Variants in LARP4B observed in about 807,000 individuals in gnomAD.
The protein encoded by LARP4B is La ribonucleoprotein 4B.
Under a neutral mutation model 89.8 loss-of-function variants are expected in LARP4B, and 12 were observed. That is an observed-to-expected ratio of 0.13 (90% CI 0.09 to 0.22). The LOEUF (loss-of-function observed/expected upper bound fraction) is 0.22, where lower values mean the gene tolerates loss of function less well. LARP4B is among the 10% of genes least tolerant of loss of function. The pLI is 1.00. For synonymous variants in LARP4B, 367 were observed against 363.3 expected (o/e 1.01, Z -0.12); for missense variants, 757 against 947.7 (o/e 0.80, Z 2.64).
chr10:898,581 G>A (rs945901258), intron 1 of LARP4B, among the ~76,000 whole-genome samples: 1 of 152,182 alleles, frequency 6.6e-6, no homozygotes, highest in African/African-American at 2.4e-5. Context: ...CATAATTTCA[G>A]AACTTGATAA....
intron 1 of LARP4B, among the ~76,000 whole-genome samples, chr10:892,761 G>T (rs760746083): frequency 6.6e-6 from 1 of 151,966 alleles, no homozygotes. Flanking sequence ...GGATGGTCTC[G>T]ATCTCCTGAC....
At chr10:834,268 C>G (rs1339883592) in intron 8 of LARP4B, among the ~76,000 whole-genome samples, 7 of 152,208 alleles carry the variant, frequency 4.6e-5, no homozygotes, top group Admixed American at 2.6e-4. Context: ...AACACATCAA[C>G]GCAAAGTCAT....
the LARP4B span, among the ~76,000 whole-genome samples, chr10:980,214 G>GC: frequency 6.6e-6 from 1 of 152,206 alleles, no homozygotes; most frequent in South Asian, 2.1e-4. Flanking sequence ...GCAGGGTTCA[G>GC]CCCCCTGGGC....
intron 1 of LARP4B, among the ~76,000 whole-genome samples, chr10:915,218 G>A (rs1588987117): frequency 1.3e-5 from 2 of 152,104 alleles, no homozygotes; most frequent in African/African-American, 4.8e-5. Context: ...CCAGGAGTTT[G>A]AGGCTGCAGC....
chr10:836,373 C>A, intron 8 of LARP4B, 30 bp downstream of exon 8: 1 of 1,427,308 alleles, frequency 7.0e-7, no homozygotes, highest in Non-Finnish European at 9.8e-7. Context: ...GGAAAATGTC[C>A]AAGTAACCTT....
rs1024950538 is a variant in LARP4B, at chr10:845,162, C to T, written c.431-107G>A. On this transcript the variant is annotated intron_variant, in intron 5 of 17. Coordinates refer to ENST00000316157, the MANE Select transcript of LARP4B (RefSeq NM_015155.3). Reference sequence around the variant, plus strand: ...TTCAACTTACGTTCTGACACAACTACGTAAGTGTATCCTAAGTAAGAAAAA... The same window carrying T: ...TTCAACTTACGTTCTGACACAACTATGTAAGTGTATCCTAAGTAAGAAAAA... 7.0e-6 allele frequency: 5 copies of T among 713,270 alleles called. No homozygotes were observed. In the African/African-American group the frequency reaches 7.1e-5, roughly 10 times the overall value. 44.2% of individuals were successfully genotyped at this position (713,270 alleles called of 1,614,324 possible). A position where few individuals can be genotyped will look rare whatever the true frequency, so the allele number is the denominator to read the frequency against.
At chr10:867,758 G>A (rs911093739) in intron 3 of LARP4B, among the ~76,000 whole-genome samples, 1 of 151,568 alleles carries the variant, frequency 6.6e-6, no homozygotes, top group South Asian at 2.1e-4. Context: ...CTACTTGGGA[G>A]GCTGAGGCAG....
the LARP4B span, among the ~76,000 whole-genome samples, chr10:947,974 C>T: frequency 6.6e-6 from 1 of 152,030 alleles, no homozygotes; most frequent in Non-Finnish European, 1.5e-5. Context: ...TGAAAACTTA[C>T]CACGCTGAAA....
chr10:841,046 T>C (rs945698890), intron 7 of LARP4B, among the ~76,000 whole-genome samples: 2 of 152,094 alleles, frequency 1.3e-5, no homozygotes, highest in Non-Finnish European at 2.9e-5. Flanking sequence ...CCCAGCTACT[T>C]GGGAGGCTGA....
At chr10:871,031 G>A (rs931897436) in intron 3 of LARP4B, among the ~76,000 whole-genome samples, 3 of 152,210 alleles carry the variant, frequency 2.0e-5, no homozygotes, top group African/African-American at 7.2e-5. Context: ...ACTTGGCACT[G>A]CCTCATGTCT....
the LARP4B span, among the ~76,000 whole-genome samples, chr10:959,989 C>A: frequency 6.6e-6 from 1 of 151,864 alleles, no homozygotes; most frequent in African/African-American, 2.4e-5. Context: ...ATGAATCACC[C>A]ACACATGGGC....
chr10:985,367 T>C, the LARP4B span: 3 of 152,218 alleles, frequency 2.0e-5, no homozygotes, highest in Admixed American at 2.0e-4. Flanking sequence ...GCCTGTAGAA[T>C]AGGGTTAGTG....
At chr10:975,581 C>T in the LARP4B span, among the ~76,000 whole-genome samples, 11 of 152,314 alleles carry the variant, frequency 7.2e-5, no homozygotes, top group East Asian at 1.7e-3. Flanking sequence ...CACTGCGTGG[C>T]GAATCGTCTG....
At chr10:831,126 T>C (rs996407605) in intron 8 of LARP4B, 149 bp from the exon 9 acceptor site, 9 of 480,680 alleles carry the variant, frequency 1.9e-5, no homozygotes, top group African/African-American at 1.8e-4. Context: ...CCAAAAAGGA[T>C]GAGGGTTCAG....
the LARP4B span, among the ~76,000 whole-genome samples, chr10:977,373 G>T: frequency 6.6e-6 from 1 of 151,960 alleles, no homozygotes; most frequent in Admixed American, 6.6e-5. Context: ...TTGAACTCCT[G>T]GGCTGAAGAG....
At chr10:842,192 C>A (rs1833554081) in intron 7 of LARP4B, among the ~76,000 whole-genome samples, 1 of 151,708 alleles carries the variant, frequency 6.6e-6, no homozygotes, top group African/African-American at 2.4e-5. Context: ...ACTTCACTCA[C>A]AACATAATTT....
intron 11 of LARP4B, among the ~76,000 whole-genome samples, chr10:828,232 T>C (rs566290624): frequency 6.6e-6 from 1 of 152,324 alleles, no homozygotes; most frequent in East Asian, 1.9e-4. Flanking sequence ...CAGACACCCA[T>C]GAATCTACGA....
rs182422052 is a variant in LARP4B, at chr10:907,943, C to T, written c.-39-22183G>A. On this transcript the variant is annotated intron_variant, in intron 1 of 17. Coordinates refer to ENST00000316157, the MANE Select transcript of LARP4B (RefSeq NM_015155.3). ...ACCCTAGGCTGGGTGCGGTGGCTCA[C>T]GCCTGTAATCCTAGCACTTTGGGAG... 3.1e-3 allele frequency among the ~76,000 whole-genome samples: 466 copies of T among 152,282 alleles called. 7 individuals are homozygous for T. Among genetic ancestry groups the T allele is most frequent in the African/African-American group, 9.8e-3 (408 of 41,542 alleles).
At chr10:886,442 T>C (rs1213495377) in intron 1 of LARP4B, among the ~76,000 whole-genome samples, 2 of 152,196 alleles carry the variant, frequency 1.3e-5, no homozygotes, top group Non-Finnish European at 1.5e-5. Flanking sequence ...TATTATCCTT[T>C]CTGAGTATTT....
Sources: allele counts gnomAD v4.1 joint callset (sites outside exome capture counted in the v4.1 genomes callset), GRCh38; gene constraint gnomAD v4.1.1; transcripts MANE v1.5; gene names NCBI Gene and HGNC (gene_info 2026-07-23, HGNC 2026-07-21).